The following CTIF variants were observed in gnomAD, a reference collection of about 807,000 sequenced individuals.
CTIF encodes the protein CBP80/20-dependent translation initiation factor.
In CTIF, 21 loss-of-function variants were observed where a neutral mutation model predicts 66.0. That is an observed-to-expected ratio of 0.32 (90% CI 0.23 to 0.46). The LOEUF is 0.46. CTIF is among the 20% of genes least tolerant of loss of function. The pLI is 1.00. For synonymous variants in CTIF, 345 were observed against 326.4 expected (o/e 1.06, Z -0.62); for missense variants, 739 against 812.7 (o/e 0.91, Z 1.10).
intron 9 of CTIF, among the ~76,000 whole-genome samples, chr18:48,807,913 T>C (rs956280377): frequency 2.0e-5 from 3 of 152,206 alleles, no homozygotes; most frequent in Admixed American, 6.5e-5. Context: ...GATGCATGAA[T>C]CATCATTTAC....
chr18:48,804,900 G>C (rs1486282455), intron 9 of CTIF, among the ~76,000 whole-genome samples: 1 of 152,176 alleles, frequency 6.6e-6, no homozygotes, highest in Non-Finnish European at 1.5e-5. Context: ...CCAGGCCCCA[G>C]TCTCATCCTC....
At chr18:48,736,010 G>C (rs1568176542) in intron 7 of CTIF, among the ~76,000 whole-genome samples, 1 of 152,126 alleles carries the variant, frequency 6.6e-6, no homozygotes, top group Non-Finnish European at 1.5e-5. Context: ...CCTGGGAATG[G>C]TTGCCACGAA....
chr18:48,602,186 G>A (rs532233966), intron 1 of CTIF, among the ~76,000 whole-genome samples: 7 of 152,302 alleles, frequency 4.6e-5, no homozygotes, highest in Middle Eastern at 3.4e-3. Context: ...TATGAATGTC[G>A]TTAAAGGTGT....
chr18:48,711,132 G>A (rs941086269), intron 6 of CTIF, among the ~76,000 whole-genome samples: 8 of 152,186 alleles, frequency 5.3e-5, no homozygotes, highest in African/African-American at 1.2e-4. Context: ...CCTCTTCACA[G>A]GGCTTAGGGT....
At chr18:48,723,611 C>T (rs961292800) in intron 7 of CTIF, among the ~76,000 whole-genome samples, 3 of 152,118 alleles carry the variant, frequency 2.0e-5, no homozygotes, top group South Asian at 2.1e-4. Context: ...GGAGGCAGCC[C>T]GGCCAGAGGA....
chr18:48,804,514 A>G (rs1261457162), intron 9 of CTIF, among the ~76,000 whole-genome samples: 1 of 152,176 alleles, frequency 6.6e-6, no homozygotes, highest in African/African-American at 2.4e-5. Flanking sequence ...CTGCATGTGC[A>G]GACTGCCAGG....
intron 2 of CTIF, among the ~76,000 whole-genome samples, chr18:48,627,704 G>T (rs1332578344): frequency 6.7e-6 from 1 of 149,766 alleles, no homozygotes; most frequent in Non-Finnish European, 1.5e-5. Flanking sequence ...GGGCAAGAGA[G>T]TGAGACCCTG....
At chr18:48,698,080 C>T (rs914969244) in intron 6 of CTIF, among the ~76,000 whole-genome samples, 1 of 104,616 alleles carries the variant, frequency 9.6e-6, no homozygotes, top group Admixed American at 1.5e-4. Flanking sequence ...TGAAAGTCAA[C>T]TCAGTGGAAA....
intron 7 of CTIF, among the ~76,000 whole-genome samples, chr18:48,716,091 G>C (rs1263062593): frequency 6.6e-6 from 1 of 152,076 alleles, no homozygotes; most frequent in African/African-American, 2.4e-5. Context: ...GGGAGGCAGT[G>C]CCCCGCTCCT....
At chr18:48,791,866 G>T (rs1181285663) in intron 9 of CTIF, among the ~76,000 whole-genome samples, 2 of 152,150 alleles carry the variant, frequency 1.3e-5, no homozygotes, top group Non-Finnish European at 2.9e-5. Context: ...GGTGTTCTTA[G>T]TGTCATCTCT....
intron 6 of CTIF, among the ~76,000 whole-genome samples, chr18:48,694,484 C>T (rs779146941): frequency 7.2e-5 from 11 of 152,176 alleles, no homozygotes; most frequent in South Asian, 2.1e-4. Flanking sequence ...CTTGAGCCAC[C>T]GCTGTGCCCC....
intron 10 of CTIF, 146 bp from the exon 11 acceptor site, chr18:48,857,442 C>T: frequency 3.2e-6 from 2 of 624,920 alleles, no homozygotes; most frequent in Non-Finnish European, 5.4e-6. Flanking sequence ...CTTTTGTGGG[C>T]TCTCACTCTA....
At chr18:48,857,486 A>G in intron 10 of CTIF, 102 bp from the exon 11 acceptor site, 1 of 1,000,862 alleles carries the variant, frequency 1.0e-6, no homozygotes, top group South Asian at 1.7e-5. Flanking sequence ...TACAGGCCGC[A>G]TCAGGGCTGG....
intron 9 of CTIF, among the ~76,000 whole-genome samples, chr18:48,771,039 A>G (rs902706395): frequency 9.9e-5 from 15 of 152,130 alleles, no homozygotes; most frequent in Admixed American, 2.6e-4. Flanking sequence ...AGGGCAGGCA[A>G]TGAGTGCTTT....
intron 1 of CTIF, among the ~76,000 whole-genome samples, chr18:48,610,964 C>A (rs772273038): frequency 1.3e-5 from 2 of 152,158 alleles, no homozygotes; most frequent in Admixed American, 6.5e-5. Context: ...CCCAGAACTG[C>A]GCTTGGGGTC....
intron 7 of CTIF, among the ~76,000 whole-genome samples, chr18:48,730,207 CT>C (rs1209987215): frequency 6.7e-6 from 1 of 150,182 alleles, no homozygotes; most frequent in Non-Finnish European, 1.5e-5. Flanking sequence ...TGAGGGGCTC[CT>C]GTGGTGTGAG....
intron 1 of CTIF, among the ~76,000 whole-genome samples, chr18:48,583,328 A>G (rs2089700170): frequency 6.6e-6 from 1 of 152,248 alleles, no homozygotes; most frequent in African/African-American, 2.4e-5. Flanking sequence ...TAGATGCTGC[A>G]GAAAATGTTA....
At chr18:48,569,803 G>A (rs1599159092) in intron 1 of CTIF, among the ~76,000 whole-genome samples, 1 of 152,128 alleles carries the variant, frequency 6.6e-6, no homozygotes, top group Non-Finnish European at 1.5e-5. Flanking sequence ...ACCAGTCTTG[G>A]GGGTGTCAGC....
chr18:48,657,962 G>A (rs1339039555), intron 3 of CTIF, among the ~76,000 whole-genome samples: 1 of 152,120 alleles, frequency 6.6e-6, no homozygotes, highest in African/African-American at 2.4e-5. Flanking sequence ...CAGAGGTGAG[G>A]GTGGTGGGAG....
Sources: allele counts gnomAD v4.1 joint callset (sites outside exome capture counted in the v4.1 genomes callset), GRCh38; gene constraint gnomAD v4.1.1; transcripts MANE v1.5; gene names NCBI Gene and HGNC (gene_info 2026-07-23, HGNC 2026-07-21).